VPS9D1: variants seen among roughly 807,000 people sequenced by gnomAD.
VPS9D1 encodes VPS9 domain-containing protein 1.
VPS9D1 carries 78 observed loss-of-function variants against 75.8 expected under a neutral mutation model. The ratio of observed to expected loss-of-function variants is 1.03; its 90% CI spans 0.86 to 1.24. The LOEUF is 1.24. Ranked by LOEUF, VPS9D1 falls within the 50% of genes most tolerant of loss-of-function variation. The pLI, the probability that VPS9D1 is intolerant of heterozygous loss-of-function variation, is 0.00. For missense variants in VPS9D1, 1,057 were observed against 847.7 expected (o/e 1.25, Z -3.07); for synonymous variants, 481 against 385.6 (o/e 1.25, Z -2.90).
At position 89,711,869 on chromosome 16, in the gene VPS9D1, G is replaced by C. The variant is rs1218739019; in HGVS notation, c.747+13C>G. On this transcript the variant is annotated intron_variant, in intron 8 of 14. Coordinates refer to ENST00000389386, the MANE Select transcript of VPS9D1 (RefSeq NM_004913.3). ...GGCTCCTCCTACAAAGCCTGGGCCC[G>C]TGGGGGACGCACATGGTCCTGTTCG... 1.3e-6 allele frequency: 2 copies of C among 1,549,606 alleles called. No individual in the cohort carries two copies. The highest frequency in any genetic ancestry group is 3.9e-5 in the Admixed American group (2 of 50,936).
chr16:89,710,815 G>C lies in VPS9D1; in HGVS notation c.1029C>G (p.Ala343=). 6.5e-7 allele frequency: 1 copy of C among 1,536,734 alleles called. No individual in the cohort carries two copies. The highest frequency in any genetic ancestry group is 8.8e-7 in the Non-Finnish European group (1 of 1,137,304). The part of the protein sequence containing the change: ...CMLSPPEPSA[A]PRPQDSPPTP... ...TGGGGGGACTGTCCTGGGGCCGCGG[G>C]GCTGCGCTGGGCTCGGGCGGGGACA... Residue 343 remains alanine, a synonymous_variant, in exon 10 of 15, where the codon GCC becomes GCG. Transcript: ENST00000389386.
chr16:89,713,456 G>T (rs188723211), intron 4 of VPS9D1, among the ~76,000 whole-genome samples: 1 of 151,304 alleles, frequency 6.6e-6, no homozygotes, highest in Non-Finnish European at 1.5e-5. Context: ...GGGTTTCACC[G>T]CATTAACCAG....
chr16:89,713,933 T>G (rs2061001633), intron 4 of VPS9D1, among the ~76,000 whole-genome samples: 1 of 150,292 alleles, frequency 6.7e-6, no homozygotes, highest in Admixed American at 6.6e-5. Context: ...ATCACTGAGG[T>G]TTTTTTGCAA....
intron 8 of VPS9D1, 75 bp downstream of exon 8, chr16:89,711,807 G>GC (rs1434392095): frequency 6.7e-7 from 1 of 1,488,548 alleles, no homozygotes; most frequent in South Asian, 1.2e-5. Context: ...CCCCACGGGG[G>GC]CCCACCCAGG....
At position 89,716,589 on chromosome 16, in the gene VPS9D1, CA is replaced by C; in HGVS notation, c.303del (p.Ala102LeufsTer45). The C allele has an allele frequency of 6.2e-7, 1 of 1,613,784 alleles. No individual in the cohort carries two copies. The highest frequency in any genetic ancestry group is 8.5e-7 in the Non-Finnish European group (1 of 1,179,830). Reference protein sequence around the residue: ...KTRLKPTMPAAAPIPQPAGRH... With the variant: ...KTRLKPTMPAXAPIPQPAGRH... ...CGGCCGGCAGGCTGGGGAATGGGAG[CA>C]GCTGCAGGCATGGTTGGCTTCAGGC... On this transcript the variant is annotated frameshift_variant, in exon 4 of 15. Transcript: ENST00000389386. LOFTEE classifies it high-confidence loss of function.
At chr16:89,717,699 C>T (rs906505251) in intron 2 of VPS9D1, 2 of 456,478 alleles carry the variant, frequency 4.4e-6, no homozygotes, top group Non-Finnish European at 8.8e-6. Flanking sequence ...TGGAGTTCCT[C>T]TGTCTTCTGG....
chr16:89,709,484 G>T (rs1439659420), intron 11 of VPS9D1, 49 bp from the exon 12 acceptor site: 1 of 1,477,708 alleles, frequency 6.8e-7, no homozygotes, highest in East Asian at 2.3e-5. Flanking sequence ...CCTTGCCCTG[G>T]GGACAGAAGC....
At chr16:89,710,042 C>T in intron 10 of VPS9D1, 136 bp from the exon 11 acceptor site, 1 of 1,256,630 alleles carries the variant, frequency 8.0e-7, no homozygotes, top group Non-Finnish European at 1.1e-6. Context: ...ACCCCTGACC[C>T]TCCTCGGCCC....
intron 2 of VPS9D1, 76 bp downstream of exon 2, chr16:89,718,949 AGG>A (rs2061162137): frequency 7.9e-7 from 1 of 1,268,350 alleles, no homozygotes; most frequent in African/African-American, 1.5e-5. Context: ...TCCTGACCTC[AGG>A]TGATAGCCCG....
Position 89,710,931 on chromosome 16 carries a change from T to G in VPS9D1, c.913A>C (p.Arg305=). ...VYSALYPAVS[R]AAAPAPGCCP... ...CAGCCTGGGGCTGGCGCGGCTGCTCTGCTCACGGCGGGATACAGGGCGCTG... is the reference window on the plus strand; with the variant it reads ...CAGCCTGGGGCTGGCGCGGCTGCTCGGCTCACGGCGGGATACAGGGCGCTG... The change falls in exon 10 of 15, where the codon AGA becomes CGA. Residue 305 remains arginine (R), a synonymous_variant. Transcript: ENST00000389386. 6.7e-7 allele frequency: 1 copy of G among 1,483,320 alleles called. No individual in the cohort carries two copies. 91.9% of individuals were successfully genotyped at this position (1,483,320 alleles called of 1,614,324 possible). A position where few individuals can be genotyped will look rare whatever the true frequency, so the allele number is the denominator to read the frequency against.
At chr16:89,713,976 G>A (rs561254005) in intron 4 of VPS9D1, among the ~76,000 whole-genome samples, 92 of 151,876 alleles carry the variant, frequency 6.1e-4, no homozygotes, top group African/African-American at 2.0e-3. Flanking sequence ...TCATTCTGTC[G>A]CCCAGGCTGG....
chr16:89,712,081 C>T lies in VPS9D1; in HGVS notation c.625G>A (p.Glu209Lys), dbSNP rs1259275701. 3 of 1,548,390 alleles carry T rather than the reference C, an allele frequency of 1.9e-6. No homozygotes were observed. In the Admixed American group the frequency reaches 5.9e-5, roughly 30 times the overall value. The change falls in exon 7 of 15, where the codon GAG (glutamate) becomes AAG (lysine). Residue 209 changes from glutamate to lysine, a missense_variant. By Grantham distance (56) the Glu-to-Lys change is moderately conservative. Transcript: ENST00000389386. ...GCCTCCTGGAGCCGCAGCCGGCGCT[C>T]CTCCATCTTTCTCTGGAGCTGGGTG... The part of the protein sequence containing the change: ...REETLQRKME[E>K]RRLRLQEAAN...
rs769482762 is a variant in VPS9D1, at chr16:89,708,416, C to G, written c.1802+11G>C. On this transcript the variant is annotated intron_variant, in intron 14 of 14. Coordinates refer to ENST00000389386, the MANE Select transcript of VPS9D1 (RefSeq NM_004913.3). Reference sequence around the variant, plus strand: ...GCACAGAGACCCCCACCCTGACCCGCCAGGGTCTACCCCTCGTGGATGAAC... The same window carrying G: ...GCACAGAGACCCCCACCCTGACCCGGCAGGGTCTACCCCTCGTGGATGAAC... 2.5e-6 allele frequency: 4 copies of G among 1,607,590 alleles called. No homozygotes were observed. Among genetic ancestry groups the G allele is most frequent in the Middle Eastern group, 3.3e-4 (2 of 6,052 alleles).
At position 89,719,566 on chromosome 16, in the gene VPS9D1, T is replaced by A. The variant is rs34533004; in HGVS notation, c.100-464A>T. On this transcript the variant is annotated intron_variant, in intron 1 of 14. Transcript: ENST00000389386. ...GATAAAGGGAGTGATACTGGAAGTT[T>A]TCAAATCACTTCCCGGTTTAAGTTC... Among the ~76,000 whole-genome samples, 841 of 152,340 alleles carry A rather than the reference T, an allele frequency of 5.5e-3. 4 individuals are homozygous for A. Among genetic ancestry groups the A allele is most frequent in the Middle Eastern group, 0.031 (9 of 294 alleles).
chr16:89,713,302 T>G (rs1404231225), intron 4 of VPS9D1, among the ~76,000 whole-genome samples: 1 of 151,824 alleles, frequency 6.6e-6, no homozygotes, highest in African/African-American at 2.4e-5. Flanking sequence ...TCGCCCAGGC[T>G]GGAGCGCAGT....
At chr16:89,719,943 T>C (rs553837659) in intron 1 of VPS9D1, among the ~76,000 whole-genome samples, 2 of 152,308 alleles carry the variant, frequency 1.3e-5, no homozygotes, top group South Asian at 4.1e-4. Context: ...GGTCTCAAAC[T>C]CCTCACCTCA....
At chr16:89,710,127 C>G (rs554650081) in intron 10 of VPS9D1, among the ~76,000 whole-genome samples, 2 of 152,310 alleles carry the variant, frequency 1.3e-5, no homozygotes, top group East Asian at 1.9e-4. Flanking sequence ...GAGAAGAAAC[C>G]GGAGAATGAT....
chr16:89,711,932 G>T lies in VPS9D1; in HGVS notation c.697C>A (p.Arg233=). Residue 233 remains arginine, a synonymous_variant, in exon 8 of 15, where the codon CGG becomes AGG. Coordinates refer to ENST00000389386, the MANE Select transcript of VPS9D1 (RefSeq NM_004913.3). ...GCGGCGTAAAGGGCCCGCTGCTCCC[G>T]TTCCTCCGGGGTCAGGGCGACTTGG... The part of the protein sequence containing the change: ...CSQVALTPEE[R]EQRALYAAIL... 1 of 1,551,596 alleles carries T rather than the reference G, an allele frequency of 6.4e-7. No homozygotes were observed. The highest frequency in any genetic ancestry group is 1.2e-5 in the South Asian group (1 of 84,146).
chr16:89,716,934 C>G, intron 2 of VPS9D1, 112 bp from the exon 3 acceptor site: 1 of 978,202 alleles, frequency 1.0e-6, no homozygotes, highest in Non-Finnish European at 1.4e-6. Flanking sequence ...CCCTCAGCAC[C>G]CCCACTGACC....
Sources: allele counts gnomAD v4.1 joint callset (sites outside exome capture counted in the v4.1 genomes callset), GRCh38; gene constraint gnomAD v4.1.1; transcripts MANE v1.5; gene names NCBI Gene and HGNC (gene_info 2026-07-23, HGNC 2026-07-21).